Variants in TMEFF2 observed in about 807,000 individuals in gnomAD.
The protein encoded by TMEFF2 is tomoregulin-2.
Under a neutral mutation model 53.8 loss-of-function variants are expected in TMEFF2, and 28 were observed. The ratio of observed to expected loss-of-function variants is 0.52; its 90% CI spans 0.39 to 0.71. TMEFF2 has a LOEUF of 0.71. Ranked by LOEUF, TMEFF2 falls within the 30% of genes least tolerant of loss-of-function variation. The pLI is 0.00. For synonymous variants in TMEFF2, 162 were observed against 166.3 expected (o/e 0.97, Z 0.20); for missense variants, 353 against 455.2 (o/e 0.78, Z 2.04).
In TMEFF2 at chr2:192,194,837, G is replaced by T. The variant is rs1032112035; in HGVS notation, c.-313C>A. 3 of 376,290 alleles carry T rather than the reference G, an allele frequency of 8.0e-6. No individual in the cohort carries two copies. The highest frequency in any genetic ancestry group is 1.5e-5 in the Non-Finnish European group (3 of 202,694). The allele number at this position is 376,290 out of a possible 1,614,324, so 23.3% of individuals were successfully genotyped here. ...GACAGGAGGAGACGGGAGTCCAGGGGCAGACGAGTGGAGCCCGAGGAGGCA... is the reference window on the plus strand; with the variant it reads ...GACAGGAGGAGACGGGAGTCCAGGGTCAGACGAGTGGAGCCCGAGGAGGCA... On this transcript the variant is annotated 5_prime_UTR_variant, in exon 1 of 10. Coordinates refer to ENST00000272771, the MANE Select transcript of TMEFF2 (RefSeq NM_016192.4). This position sits in a 1 kb window ranked among gnomAD's most constrained non-coding sequence, Gnocchi z 4.2.
At chr2:192,031,871 TAAAC>T (rs1687146866) in intron 5 of TMEFF2, 1 of 152,206 alleles carries the variant, frequency 6.6e-6, no homozygotes. Context: ...GATGACCACT[TAAAC>T]ATTCAAGGAA....
chr2:192,089,674 C>T (rs1340495896), intron 4 of TMEFF2, among the ~76,000 whole-genome samples: 1 of 152,138 alleles, frequency 6.6e-6, no homozygotes, highest in Non-Finnish European at 1.5e-5. Context: ...CTGTAGCCGA[C>T]ACACAGTCAT....
At chr2:192,176,808 T>C (rs1691055582) in intron 4 of TMEFF2, 1 of 151,240 alleles carries the variant, frequency 6.6e-6, no homozygotes, top group African/African-American at 2.4e-5. Flanking sequence ...TCATTACTAA[T>C]GTAATATTCA....
At chr2:192,103,077 T>C (rs1313169650) in intron 4 of TMEFF2, among the ~76,000 whole-genome samples, 2 of 152,314 alleles carry the variant, frequency 1.3e-5, no homozygotes, top group Non-Finnish European at 2.9e-5. Flanking sequence ...TGGAGCTGGC[T>C]GCCCAGACAC....
chr2:192,074,546 A>T (rs12464318), intron 4 of TMEFF2, among the ~76,000 whole-genome samples: 94,451 of 151,696 alleles, frequency 0.62, 30,291 homozygotes, highest in East Asian at 0.97. Flanking sequence ...AAAAAATGGA[A>T]ATCAAATGTT....
intron 7 of TMEFF2, among the ~76,000 whole-genome samples, chr2:191,972,922 G>A (rs113437468): frequency 5.8e-4 from 88 of 152,260 alleles, no homozygotes; most frequent in African/African-American, 1.9e-3. Context: ...GAAAGAATCC[G>A]TAGTTCAGTG....
At chr2:192,088,110 C>G (rs1253847753) in intron 4 of TMEFF2, among the ~76,000 whole-genome samples, 2 of 152,052 alleles carry the variant, frequency 1.3e-5, no homozygotes, top group African/African-American at 4.8e-5. Flanking sequence ...AGTGAGAAAA[C>G]AGTTTCTTTG....
intron 4 of TMEFF2, among the ~76,000 whole-genome samples, chr2:192,149,732 G>A (rs962090259): frequency 6.6e-6 from 1 of 151,930 alleles, no homozygotes; most frequent in Non-Finnish European, 1.5e-5. Context: ...AATAACCTGT[G>A]ATGAAATATG....
intron 2 of TMEFF2, among the ~76,000 whole-genome samples, chr2:192,186,692 A>C (rs991086720): frequency 6.6e-6 from 1 of 152,134 alleles, no homozygotes; most frequent in Non-Finnish European, 1.5e-5. Flanking sequence ...GCCCCGGGCT[A>C]CCTTTCAATC....
intron 4 of TMEFF2, among the ~76,000 whole-genome samples, chr2:192,175,361 C>G (rs1386940712): frequency 9.9e-5 from 15 of 151,586 alleles, no homozygotes; most frequent in Admixed American, 9.9e-4. Context: ...CTTGTTCTAT[C>G]CAATATGTAT....
chr2:191,990,802 T>C (rs1686086608), intron 7 of TMEFF2, among the ~76,000 whole-genome samples: 1 of 151,726 alleles, frequency 6.6e-6, no homozygotes, highest in Non-Finnish European at 1.5e-5. Flanking sequence ...ATTATTGACA[T>C]GTGAACATTA....
intron 7 of TMEFF2, among the ~76,000 whole-genome samples, chr2:191,995,495 G>A (rs569578231): frequency 3.3e-5 from 5 of 151,998 alleles, no homozygotes; most frequent in Non-Finnish European, 5.9e-5. Context: ...AGGGATACGA[G>A]TCACACAGTT....
chr2:192,009,459 T>C (rs1686575856), intron 5 of TMEFF2, among the ~76,000 whole-genome samples: 1 of 152,194 alleles, frequency 6.6e-6, no homozygotes, highest in African/African-American at 2.4e-5. Context: ...TGCTAAAGAT[T>C]ATACTGCTAT....
chr2:192,166,398 C>T (rs1230823594), intron 4 of TMEFF2, among the ~76,000 whole-genome samples: 3 of 152,090 alleles, frequency 2.0e-5, no homozygotes, highest in Admixed American at 6.6e-5. Context: ...AAGACTCATC[C>T]AGAATTATGT....
At chr2:192,006,571 A>T (rs186034057) in intron 5 of TMEFF2, among the ~76,000 whole-genome samples, 1 of 152,328 alleles carries the variant, frequency 6.6e-6, no homozygotes, top group East Asian at 1.9e-4. Flanking sequence ...GGGCTACTTC[A>T]CTTTCCCAAG....
At chr2:191,977,951 CATTA>C in intron 7 of TMEFF2, among the ~76,000 whole-genome samples, 1 of 152,182 alleles carries the variant, frequency 6.6e-6, no homozygotes. Context: ...CAGCTTTTAT[CATTA>C]ATAACAGAAG....
intron 5 of TMEFF2, chr2:192,031,389 A>C (rs559517161): frequency 5.3e-5 from 8 of 152,316 alleles, no homozygotes; most frequent in Non-Finnish European, 1.2e-4. Flanking sequence ...TGTGTTATAT[A>C]AATGAATGAA....
chr2:192,098,706 A>G (rs1688969346), intron 4 of TMEFF2, among the ~76,000 whole-genome samples: 1 of 152,126 alleles, frequency 6.6e-6, no homozygotes, highest in South Asian at 2.1e-4. Context: ...GTTCCTGAAG[A>G]TTTTCTCTCC....
intron 4 of TMEFF2, among the ~76,000 whole-genome samples, chr2:192,161,639 G>C (rs907635762): frequency 7.2e-5 from 11 of 152,176 alleles, no homozygotes; most frequent in African/African-American, 2.7e-4. Context: ...GGACCAGTCT[G>C]GAGACAACTG....
Sources: gnomAD v4.1 joint callset for allele counts (sites outside exome capture counted in the v4.1 genomes callset) on GRCh38, gnomAD v4.1.1 for gene constraint, Gnocchi (gnomAD v3.1) non-coding constraint, MANE v1.5 for transcripts, NCBI Gene and HGNC (gene_info 2026-07-23, HGNC 2026-07-21) for gene names.